The following SEMA4D variants were observed in gnomAD, a reference collection of about 807,000 sequenced individuals.
The protein encoded by SEMA4D is semaphorin-4D.
Under a neutral mutation model 74.8 loss-of-function variants are expected in SEMA4D, and 22 were observed. The ratio of observed to expected loss-of-function variants is 0.29; its 90% CI spans 0.21 to 0.42. The LOEUF (loss-of-function observed/expected upper bound fraction) is 0.42, where lower values mean the gene tolerates loss of function less well. SEMA4D is among the 10% of genes least tolerant of loss of function. The probability of loss-of-function intolerance (pLI) is 1.00; values close to 1 mark genes in which losing one functional copy is unlikely to be tolerated. For synonymous variants in SEMA4D, 445 were observed against 463.7 expected (o/e 0.96, Z 0.52); for missense variants, 937 against 1,118.4 (o/e 0.84, Z 2.31).
chr9:89,497,949 C>G lies in SEMA4D; in HGVS notation c.-340G>C, dbSNP rs1435632707. 4 of 149,290 alleles carry G rather than the reference C, an allele frequency of 2.7e-5. No homozygotes were observed. In the Admixed American group the frequency reaches 2.7e-4, roughly 10 times the overall value. 9.2% of individuals were successfully genotyped at this position (149,290 alleles called of 1,614,324 possible). A position where few individuals can be genotyped will look rare whatever the true frequency, so the allele number is the denominator to read the frequency against. ...GCGCGCGTCCTGCCCGCGGCGGCTC[C>G]CGGCCGGGCGAGTTCGGGCGCCAGG... On this transcript the variant is annotated 5_prime_UTR_variant, in exon 1 of 16. Coordinates refer to ENST00000422704, the MANE Select transcript of SEMA4D (RefSeq NM_001371194.2).
rs1564833422 is a variant in SEMA4D at position 89,450,666 on chromosome 9, A to AGG, written c.-244+5221_-244+5222insCC. The AGG allele has an allele frequency of 2.1e-4, 29 of 135,458 alleles. No homozygotes were observed. The African/African-American group carries it at 2.4e-3, about 11-fold the overall frequency. The allele number at this position is 135,458 out of a possible 1,614,324, so 8.4% of individuals were successfully genotyped here. A position where few individuals can be genotyped will look rare whatever the true frequency, so the allele number is the denominator to read the frequency against. On this transcript the variant is annotated intron_variant, in intron 2 of 15. Coordinates refer to ENST00000422704, the MANE Select transcript of SEMA4D (RefSeq NM_001371194.2). The stretch of plus-strand genomic sequence containing the variant: ...TGCAAGTCGAAAAACCCAGGAAAAA[A>AGG]AAAAAAAAAAAAAAAAAAAAAGGCC...
intron 16 of SEMA4D, chr9:89,364,017 G>T (rs45544232): frequency 0.062 from 100,379 of 1,612,968 alleles, 3,562 homozygotes; most frequent in Middle Eastern, 0.099. Flanking sequence ...CCCCATGAGG[G>T]TGCAGGGGGG....
At chr9:89,439,053 C>T (rs1445642437) in intron 2 of SEMA4D, among the ~76,000 whole-genome samples, 1 of 144,396 alleles carries the variant, frequency 6.9e-6, no homozygotes, top group African/African-American at 2.6e-5. Flanking sequence ...TTGATCTCCG[C>T]TCACTGCAAC....
At chr9:89,460,025 T>G (rs1856848311) in intron 1 of SEMA4D, among the ~76,000 whole-genome samples, 1 of 152,132 alleles carries the variant, frequency 6.6e-6, no homozygotes, top group Non-Finnish European at 1.5e-5. Flanking sequence ...GAGCTAAGGC[T>G]CACGATGCCC....
chr9:89,395,670 A>G (rs1314549046), intron 6 of SEMA4D, among the ~76,000 whole-genome samples: 1 of 151,714 alleles, frequency 6.6e-6, no homozygotes, highest in African/African-American at 2.4e-5. Flanking sequence ...TCCCCAAAGC[A>G]CCCCCACCCC....
intron 1 of SEMA4D, among the ~76,000 whole-genome samples, chr9:89,468,142 T>C (rs1438604397): frequency 6.6e-6 from 1 of 152,184 alleles, no homozygotes; most frequent in African/African-American, 2.4e-5. Flanking sequence ...GCTCCAGGGA[T>C]TGCACAGAAC....
chr9:89,467,530 G>GA (rs1554785164), intron 1 of SEMA4D, among the ~76,000 whole-genome samples: 1 of 137,468 alleles, frequency 7.3e-6, no homozygotes, highest in Non-Finnish European at 1.6e-5. Flanking sequence ...GGGAGCGCAT[G>GA]ATTTTTTTTT....
intron 1 of SEMA4D, among the ~76,000 whole-genome samples, chr9:89,460,335 C>T (rs772879052): frequency 8.5e-5 from 13 of 152,240 alleles, no homozygotes; most frequent in Non-Finnish European, 1.3e-4. Context: ...AAAGAAAAGC[C>T]CTTTGGCCTA....
Position 89,371,326 on chromosome 9 carries a change from GGTGT to G in SEMA4D, c.1882+5503_1882+5506del, listed in dbSNP as rs575569941. 9.9e-4 allele frequency among the ~76,000 whole-genome samples: 131 copies of G among 132,418 alleles called. 2 individuals are homozygous for G. Among genetic ancestry groups the G allele is most frequent in the African/African-American group, 3.5e-3 (122 of 34,804 alleles). 86.9% of individuals were successfully genotyped at this position (132,418 alleles called of 152,430 possible). A position where few individuals can be genotyped will look rare whatever the true frequency, so the allele number is the denominator to read the frequency against. On this transcript the variant is annotated intron_variant, in intron 16 of 18. Transcript: ENST00000339861. Reference sequence around the variant, plus strand: ...TCTGGGGTGTGGTGTGTGTGGGGTTGGTGTGTGTCTGGAGTGTGGTGTGTGTTGG... The same window carrying G: ...TCTGGGGTGTGGTGTGTGTGGGGTTGGTGTCTGGAGTGTGGTGTGTGTTGG...
At chr9:89,443,076 T>TCTTCTC (rs1852017608) in intron 2 of SEMA4D, among the ~76,000 whole-genome samples, 1 of 152,136 alleles carries the variant, frequency 6.6e-6, no homozygotes, top group Non-Finnish European at 1.5e-5. Context: ...GACTGAAGCC[T>TCTTCTC]CCCAGGAGGA....
intron 1 of SEMA4D, chr9:89,479,472 C>G (rs1196357333): frequency 6.1e-6 from 1 of 164,264 alleles, no homozygotes; most frequent in East Asian, 1.8e-4. Context: ...CCCCTCAAAG[C>G]CCCTGTATCC....
chr9:89,384,133 G>A (rs1471204192), intron 13 of SEMA4D, among the ~76,000 whole-genome samples: 1 of 152,210 alleles, frequency 6.6e-6, no homozygotes, highest in Admixed American at 6.5e-5. Context: ...CGAGCAAACC[G>A]CATCTGCTGT....
At chr9:89,408,888 A>T (rs963486290) in intron 2 of SEMA4D, among the ~76,000 whole-genome samples, 2 of 152,226 alleles carry the variant, frequency 1.3e-5, no homozygotes, top group African/African-American at 4.8e-5. Flanking sequence ...CTCTCGTGGC[A>T]TGTCCCCCAG....
At chr9:89,496,278 T>C (rs1160340017) in intron 1 of SEMA4D, among the ~76,000 whole-genome samples, 2 of 152,230 alleles carry the variant, frequency 1.3e-5, no homozygotes, top group Non-Finnish European at 2.9e-5. Context: ...TCCCTTGTGC[T>C]GTGCTGCAAG....
At position 89,453,464 on chromosome 9, in the gene SEMA4D, G is replaced by A. The variant is rs150891856; in HGVS notation, c.-244+2424C>T. Among the ~76,000 whole-genome samples the A allele has an allele frequency of 2.2e-4, 33 of 152,356 alleles. 1 individual carries two copies. The East Asian group carries it at 5.2e-3, about 24-fold the overall frequency. Reference sequence around the variant, plus strand: ...AACCTGTGCTCCTTTCTCTGAGGACGCAGAGCCCTTTGCTGCCTGTCTTAT... The same window carrying A: ...AACCTGTGCTCCTTTCTCTGAGGACACAGAGCCCTTTGCTGCCTGTCTTAT... On this transcript the variant is annotated intron_variant, in intron 2 of 15. Coordinates refer to ENST00000422704, the MANE Select transcript of SEMA4D (RefSeq NM_001371194.2).
At chr9:89,383,409 G>A (rs1837640353) in intron 13 of SEMA4D, among the ~76,000 whole-genome samples, 1 of 152,158 alleles carries the variant, frequency 6.6e-6, no homozygotes. Flanking sequence ...GCCCTCTTTG[G>A]TGCTCCCCCT....
chr9:89,385,075 C>G (rs1373353623), intron 13 of SEMA4D: 1 of 980,784 alleles, frequency 1.0e-6, no homozygotes, highest in Non-Finnish European at 1.2e-6. Flanking sequence ...GCGCGAGGCT[C>G]CCTGTGTGGC....
intron 2 of SEMA4D, chr9:89,450,687 A>AAAAAAAAAAAAAAT: frequency 2.0e-6 from 2 of 982,308 alleles, no homozygotes; most frequent in Non-Finnish European, 3.0e-6. Flanking sequence ...AAAAAAAAAA[A>AAAAAAAAAAAAAAT]GGCCTCCAAG....
intron 2 of SEMA4D, among the ~76,000 whole-genome samples, chr9:89,447,831 CTG>C (rs1853343114): frequency 6.6e-6 from 1 of 151,984 alleles, no homozygotes; most frequent in Non-Finnish European, 1.5e-5. Flanking sequence ...TTGCTCCTAT[CTG>C]TCTCAGGGCC....
Sources: allele counts gnomAD v4.1 joint callset (sites outside exome capture counted in the v4.1 genomes callset), GRCh38; gene constraint gnomAD v4.1.1; transcripts MANE v1.5; gene names NCBI Gene and HGNC (gene_info 2026-07-23, HGNC 2026-07-21).